The following PRKAG2 variants were observed in gnomAD, a reference collection of about 807,000 sequenced individuals.
The protein encoded by PRKAG2 is protein kinase AMP-activated non-catalytic subunit gamma 2.
Under a neutral mutation model 69.6 loss-of-function variants are expected in PRKAG2, and 26 were observed. That is an observed-to-expected ratio of 0.37 (90% CI 0.27 to 0.52). The LOEUF is 0.52. PRKAG2 is among the 20% of genes least tolerant of loss of function. The pLI, the probability that PRKAG2 is intolerant of heterozygous loss-of-function variation, is 0.90. For missense variants in PRKAG2, 557 were observed against 740.0 expected (o/e 0.75, Z 2.87); for synonymous variants, 293 against 285.0 (o/e 1.03, Z -0.28).
chr7:151,684,785 C>T (rs1834462246), intron 3 of PRKAG2, among the ~76,000 whole-genome samples: 1 of 152,154 alleles, frequency 6.6e-6, no homozygotes, highest in African/African-American at 2.4e-5. Flanking sequence ...AAGTTGGGGT[C>T]TCCTCCAGGC....
chr7:151,829,939 C>A (rs1408850892), intron 1 of PRKAG2, among the ~76,000 whole-genome samples: 1 of 151,740 alleles, frequency 6.6e-6, no homozygotes, highest in Non-Finnish European at 1.5e-5. Context: ...CAGACACCCC[C>A]CTGAGGCCAT....
intron 3 of PRKAG2, among the ~76,000 whole-genome samples, chr7:151,738,824 C>T (rs1202154664): frequency 6.6e-6 from 1 of 152,206 alleles, no homozygotes; most frequent in Non-Finnish European, 1.5e-5. Context: ...CACTTCACAC[C>T]TCTATATTTC....
At chr7:151,721,553 A>G (rs1365938136) in intron 3 of PRKAG2, among the ~76,000 whole-genome samples, 1 of 152,084 alleles carries the variant, frequency 6.6e-6, no homozygotes, top group Non-Finnish European at 1.5e-5. Flanking sequence ...CCTCTGCCCC[A>G]TGGTCACCTA....
chr7:151,784,274 A>G (rs2076886461), intron 2 of PRKAG2, among the ~76,000 whole-genome samples: 1 of 152,206 alleles, frequency 6.6e-6, no homozygotes, highest in Non-Finnish European at 1.5e-5. Flanking sequence ...GACCTGGTGC[A>G]TGGACGTGCT....
chr7:151,802,771 C>T (rs1378188290), intron 1 of PRKAG2, among the ~76,000 whole-genome samples: 4 of 152,012 alleles, frequency 2.6e-5, no homozygotes, highest in Non-Finnish European at 4.4e-5. Flanking sequence ...CTGGCCTCAG[C>T]CTCTCCTTTC....
At chr7:151,873,424 C>A (rs75188986) in intron 1 of PRKAG2, among the ~76,000 whole-genome samples, 8,819 of 152,302 alleles carry the variant, frequency 0.058, 349 homozygotes, top group East Asian at 0.19. Flanking sequence ...TGTCTGAAAG[C>A]CTCATTTTCC....
intron 3 of PRKAG2, among the ~76,000 whole-genome samples, chr7:151,740,338 A>T (rs2073791812): frequency 6.6e-6 from 1 of 152,026 alleles, no homozygotes; most frequent in South Asian, 2.1e-4. Context: ...TCTCAGAGAA[A>T]CCCTCCCTCA....
At chr7:151,690,538 G>A (rs1004733511) in intron 3 of PRKAG2, among the ~76,000 whole-genome samples, 1 of 152,224 alleles carries the variant, frequency 6.6e-6, no homozygotes, top group Non-Finnish European at 1.5e-5. Flanking sequence ...CGTTAGGAAG[G>A]TGCAAGGCTG....
chr7:151,727,968 G>C (rs1022003183), intron 3 of PRKAG2, among the ~76,000 whole-genome samples: 1 of 152,142 alleles, frequency 6.6e-6, no homozygotes, highest in Admixed American at 6.5e-5. Flanking sequence ...CAGGGCCCTG[G>C]GGCGGACGCC....
intron 8 of PRKAG2, 145 bp from the exon 9 acceptor site, chr7:151,572,854 T>C (rs530641742): frequency 4.4e-5 from 24 of 547,246 alleles, no homozygotes; most frequent in African/African-American, 3.6e-4. Flanking sequence ...TGCTCATGCC[T>C]GTAATCTCAG....
rs140399527 is a variant in PRKAG2 at position 151,569,679 on chromosome 7, T to C, written c.1106+492A>G. Reference sequence around the variant, plus strand: ...TTTGAAAGATGCTTTTACACCAATATGGAAATGTATCACAGCCAAACCAGA... The same window carrying C: ...TTTGAAAGATGCTTTTACACCAATACGGAAATGTATCACAGCCAAACCAGA... On this transcript the variant is annotated intron_variant, in intron 10 of 15. Transcript: ENST00000287878. Among the ~76,000 whole-genome samples, 88 of 152,324 alleles carry C rather than the reference T, an allele frequency of 5.8e-4. No individual in the cohort carries two copies. In the East Asian group the frequency reaches 0.012, roughly 20 times the overall value.
At chr7:151,838,706 CAAAAAA>C (rs57382424) in intron 1 of PRKAG2, among the ~76,000 whole-genome samples, 3 of 92,208 alleles carry the variant, frequency 3.3e-5, no homozygotes, top group African/African-American at 1.2e-4. Flanking sequence ...GACCCTGTTT[CAAAAAA>C]AAAAAAAAAA....
At chr7:151,565,909 G>A (rs780029925) in intron 11 of PRKAG2, 24 bp from the exon 12 acceptor site, 15 of 1,603,484 alleles carry the variant, frequency 9.4e-6, no homozygotes, top group African/African-American at 1.3e-5. Flanking sequence ...AAACGCAAAC[G>A]TTCTAGACCC....
intron 1 of PRKAG2, among the ~76,000 whole-genome samples, chr7:151,859,239 C>T (rs1371018061): frequency 6.6e-6 from 1 of 152,248 alleles, no homozygotes; most frequent in Non-Finnish European, 1.5e-5. Context: ...CCAGAGAACA[C>T]TCCGCGGGGA....
chr7:151,629,471 T>C (rs111644806), intron 5 of PRKAG2, among the ~76,000 whole-genome samples: 226 of 152,208 alleles, frequency 1.5e-3, no homozygotes, highest in African/African-American at 4.9e-3. Flanking sequence ...GACCTTCCCA[T>C]AGAGGAGTGA....
intron 5 of PRKAG2, among the ~76,000 whole-genome samples, chr7:151,597,488 A>G (rs1402277426): frequency 6.6e-6 from 1 of 152,262 alleles, no homozygotes; most frequent in Admixed American, 6.5e-5. Context: ...GTGAAGAGAC[A>G]ACCTACAGAA....
intron 5 of PRKAG2, among the ~76,000 whole-genome samples, chr7:151,616,997 C>T (rs57665836): frequency 0.012 from 1,893 of 152,080 alleles, 27 homozygotes; most frequent in African/African-American, 0.043. Flanking sequence ...CGGGGGCTCA[C>T]GCCTCAAATC....
chr7:151,851,559 C>T (rs2079569583), intron 1 of PRKAG2, among the ~76,000 whole-genome samples: 1 of 152,166 alleles, frequency 6.6e-6, no homozygotes, highest in Non-Finnish European at 1.5e-5. Context: ...TCTCCAGAGT[C>T]GGCTACAGAT....
At chr7:151,827,673 A>G (rs1156394170) in intron 1 of PRKAG2, among the ~76,000 whole-genome samples, 2 of 145,292 alleles carry the variant, frequency 1.4e-5, no homozygotes, top group African/African-American at 5.1e-5. Context: ...TTTTACCAGG[A>G]AAAGGTCCTG....
Sources: allele counts gnomAD v4.1 joint callset (sites outside exome capture counted in the v4.1 genomes callset), GRCh38; gene constraint gnomAD v4.1.1; transcripts MANE v1.5; gene names NCBI Gene and HGNC (gene_info 2026-07-23, HGNC 2026-07-21).